Variants in KMT2C observed in about 807,000 individuals in gnomAD.
The protein encoded by KMT2C is lysine methyltransferase 2C, also known as histone-lysine N-methyltransferase 2C.
KMT2C carries 88 observed loss-of-function variants against 507.9 expected under a neutral mutation model. That is an observed-to-expected ratio of 0.17 (90% CI 0.15 to 0.21). The LOEUF is 0.21. KMT2C is among the 10% of genes least tolerant of loss of function. The pLI is 1.00. For synonymous variants in KMT2C, 2,049 were observed against 2,080.8 expected (o/e 0.98, Z 0.42); for missense variants, 4,954 against 5,957.8 (o/e 0.83, Z 5.55).
At chr7:152,227,343 C>T (rs2094963449) in intron 18 of KMT2C, among the ~76,000 whole-genome samples, 1 of 152,156 alleles carries the variant, frequency 6.6e-6, no homozygotes, top group Non-Finnish European at 1.5e-5. Context: ...GGATTCCATC[C>T]ATGGTACCAT....
intron 1 of KMT2C, among the ~76,000 whole-genome samples, chr7:152,422,865 T>TA (rs772134659): frequency 5.2e-4 from 78 of 150,416 alleles, no homozygotes; most frequent in Middle Eastern, 7.0e-3. Flanking sequence ...CTAATAAAAA[T>TA]ACAAAAAATT....
rs2091857113 is a variant in KMT2C, at chr7:152,153,993, G to A, written c.12276+17C>T. ...GGGACATACTGTTTAACATTAAGAA[G>A]TCATTTAATCTTTTACCTCAGCAGC... On this transcript the variant is annotated intron_variant, in intron 48 of 58. Transcript: ENST00000262189. 6.2e-7 allele frequency: 1 copy of A among 1,611,486 alleles called. No individual in the cohort carries two copies. The highest frequency in any genetic ancestry group is 8.5e-7 in the Non-Finnish European group (1 of 1,178,762).
At position 152,220,719 on chromosome 7, in the gene KMT2C, A is replaced by G. The variant is rs745535223; in HGVS notation, c.3516T>C (p.Tyr1172=). Residue 1172 remains tyrosine (Y), a synonymous_variant, in exon 23 of 59, where the codon TAT becomes TAC. Coordinates refer to ENST00000262189, the MANE Select transcript of KMT2C (RefSeq NM_170606.3). ...CAGTCAAACACACACCATCCTGGGT[A>G]TAAGTCTTGGGTGGGTCTAAAATTA... ...KVKELDPPKT[Y]TQDGVCLTES... is the part of the protein sequence containing the mutation. The G allele has an allele frequency of 7.5e-6, 12 of 1,608,618 alleles. No individual in the cohort carries two copies. In the East Asian group the frequency reaches 1.6e-4, roughly 21 times the overall value.
Position 152,226,219 on chromosome 7 carries a change from C to CTTTTTTTTTTTTTTTTTTTTT in KMT2C, c.2977-1624_2977-1604dup, listed in dbSNP as rs869076803. ...AAGAGTTGGTTGTTCATTACAAGGC[C>CTTTTTTTTTTTTTTTTTTTTT]TTTTTTTTTTTTTTTTTTTTTTTTT... On this transcript the variant is annotated intron_variant, in intron 18 of 58. Transcript: ENST00000262189. Among the ~76,000 whole-genome samples, 10 of 94,948 alleles carry CTTTTTTTTTTTTTTTTTTTTT rather than the reference C, an allele frequency of 1.1e-4. 1 individual carries two copies. The East Asian group carries it at 1.1e-3, about 11-fold the overall frequency. 62.3% of individuals were successfully genotyped at this position (94,948 alleles called of 152,430 possible). A position where few individuals can be genotyped will look rare whatever the true frequency, so the allele number is the denominator to read the frequency against.
chr7:152,152,829 C>T lies in KMT2C; in HGVS notation c.12402G>A (p.Pro4134=), dbSNP rs766473977. 3 of 1,614,154 alleles carry T rather than the reference C, an allele frequency of 1.9e-6. No homozygotes were observed. The highest frequency in any genetic ancestry group is 2.2e-5 in the East Asian group (1 of 44,868). ...MGLVSSHRIN[P]GLEYRQHLLL... Reference sequence around the variant, plus strand: ...GTAAATGCTGTCGATACTCCAAACCCGGGTTGATTCTGTGGCTACTGACCA... The same window carrying T: ...GTAAATGCTGTCGATACTCCAAACCTGGGTTGATTCTGTGGCTACTGACCA... The change falls in exon 49 of 59, where the codon CCG becomes CCA. Residue 4134 remains proline, a synonymous_variant. Coordinates refer to ENST00000262189, the MANE Select transcript of KMT2C (RefSeq NM_170606.3).
chr7:152,384,562 ACC>A (rs2097404408), intron 1 of KMT2C, among the ~76,000 whole-genome samples: 1 of 145,524 alleles, frequency 6.9e-6, no homozygotes, highest in African/African-American at 2.5e-5. Flanking sequence ...CACCACCACC[ACC>A]ACCACCACCA....
chr7:152,362,655 T>C (rs2097206248), intron 1 of KMT2C, among the ~76,000 whole-genome samples: 1 of 152,180 alleles, frequency 6.6e-6, no homozygotes. Flanking sequence ...CTCAGACCCA[T>C]GTTTTGCTCT....
rs1458742717 is a variant in KMT2C at position 152,335,646 on chromosome 7, T to A, written c.251-4907A>T. Among the ~76,000 whole-genome samples, 3 of 152,224 alleles carry A rather than the reference T, an allele frequency of 2.0e-5. No homozygotes were observed. The East Asian group carries it at 5.8e-4, about 29-fold the overall frequency. ...AATTTCCTTCTCCTAGCGAAGTATA[T>A]AACAGTTTCAGCTTTTTCCTTATTT... On this transcript the variant is annotated intron_variant, in intron 2 of 58. Coordinates refer to ENST00000262189, the MANE Select transcript of KMT2C (RefSeq NM_170606.3).
intron 4 of KMT2C, chr7:152,312,435 TAC>T (rs2096680531): frequency 6.6e-6 from 1 of 152,368 alleles, no homozygotes; most frequent in Non-Finnish European, 1.5e-5. Context: ...GAAAACCCAC[TAC>T]AGAGTGTGAA....
At chr7:152,413,905 CAA>C (rs2097707104) in intron 1 of KMT2C, among the ~76,000 whole-genome samples, 2 of 103,512 alleles carry the variant, frequency 1.9e-5, no homozygotes, top group Admixed American at 1.8e-4. Context: ...AAAAAATTTA[CAA>C]AAGTCATTTA....
Position 152,152,839 on chromosome 7 carries a change from C to G in KMT2C, c.12392G>C (p.Arg4131Thr), listed in dbSNP as rs753019893. 4 of 1,614,200 alleles carry G rather than the reference C, an allele frequency of 2.5e-6. No homozygotes were observed. Among genetic ancestry groups the G allele is most frequent in the Non-Finnish European group, 3.4e-6 (4 of 1,180,032 alleles). ...VPSMGLVSSH[R>T]INPGLEYRQH... is the part of the protein sequence containing the mutation. ...TCGATACTCCAAACCCGGGTTGATT[C>G]TGTGGCTACTGACCAAACCCATGGA... Residue 4131 changes from arginine (R) to threonine (T), a missense_variant, in exon 49 of 59, where the codon AGA (arginine) becomes ACA (threonine). Physicochemically the swap from Arg to Thr is moderately conservative, Grantham distance 71. Around this residue, in one of 29 missense-constraint regions of KMT2C, gnomAD observed 417 missense variants for 461.1 expected, o/e 0.90. Transcript: ENST00000262189.
At chr7:152,210,664 T>C (rs1174516566) in intron 23 of KMT2C, among the ~76,000 whole-genome samples, 1 of 151,514 alleles carries the variant, frequency 6.6e-6, no homozygotes, top group African/African-American at 2.4e-5. Flanking sequence ...ATCTGTAACA[T>C]GAAAGACAGA....
Position 152,180,079 on chromosome 7 carries a change from C to G in KMT2C, c.7197G>C (p.Lys2399Asn), listed in dbSNP as rs2093380037. Residue 2399 changes from lysine (K) to asparagine (N), a missense_variant, in exon 37 of 59, where the codon AAG becomes AAC. Coordinates refer to ENST00000262189, the MANE Select transcript of KMT2C (RefSeq NM_170606.3). ...EIILQQQQQK[K>N]IAGRQEKGSQ... ...ACCCCTTCTCCTGTCGACCTGCAATCTTCTTCTGCTGTTGCTGCTGGAGAA... is the reference window on the plus strand; with the variant it reads ...ACCCCTTCTCCTGTCGACCTGCAATGTTCTTCTGCTGTTGCTGCTGGAGAA... 2 of 1,614,074 alleles carry G rather than the reference C, an allele frequency of 1.2e-6. No homozygotes were observed. Among genetic ancestry groups the G allele is most frequent in the African/African-American group, 2.7e-5 (2 of 74,924 alleles).
chr7:152,303,136 T>A lies in KMT2C; in HGVS notation c.849+6830A>T, dbSNP rs923761382. Among the ~76,000 whole-genome samples the A allele has an allele frequency of 2.1e-3, 322 of 152,276 alleles. 6 individuals carry two copies. The highest frequency in any genetic ancestry group is 5.3e-4 in the Non-Finnish European group (36 of 68,034). ...AGATTCACTGTTTGCCATGTTCTTTTCTCTAGTAAAAAATGAATAAAGTTT... is the reference window on the plus strand; with the variant it reads ...AGATTCACTGTTTGCCATGTTCTTTACTCTAGTAAAAAATGAATAAAGTTT... On this transcript the variant is annotated intron_variant, in intron 6 of 58. Coordinates refer to ENST00000262189, the MANE Select transcript of KMT2C (RefSeq NM_170606.3).
At chr7:152,271,159 A>G (rs370888408) in intron 7 of KMT2C, among the ~76,000 whole-genome samples, 6 of 152,202 alleles carry the variant, frequency 3.9e-5, no homozygotes, top group African/African-American at 1.4e-4. Context: ...CCTCATAATA[A>G]CACTATGATT....
intron 2 of KMT2C, among the ~76,000 whole-genome samples, chr7:152,352,193 AAGTCCC>A (rs1208311816): frequency 6.6e-6 from 1 of 152,178 alleles, no homozygotes; most frequent in Non-Finnish European, 1.5e-5. Context: ...GGGATGAAAT[AAGTCCC>A]AGTCTCCCGT....
At chr7:152,361,547 G>A (rs888414950) in intron 1 of KMT2C, among the ~76,000 whole-genome samples, 1 of 151,932 alleles carries the variant, frequency 6.6e-6, no homozygotes, top group Non-Finnish European at 1.5e-5. Flanking sequence ...TGGGCAACAA[G>A]AGAGAAACTC....
intron 15 of KMT2C, 128 bp from the exon 16 acceptor site, chr7:152,236,061 A>C (rs2095266363): frequency 7.1e-6 from 4 of 565,930 alleles, no homozygotes; most frequent in Admixed American, 3.5e-5. Context: ...GTATTAAGAG[A>C]CCTGGCTTAT....
intron 1 of KMT2C, among the ~76,000 whole-genome samples, chr7:152,423,108 A>C (rs1352462620): frequency 6.6e-6 from 1 of 152,180 alleles, no homozygotes. Flanking sequence ...TGGGAGGCCA[A>C]AGCAGGTGGA....
Sources: gnomAD v4.1 joint callset for allele counts (sites outside exome capture counted in the v4.1 genomes callset) on GRCh38, gnomAD v4.1.1 for gene constraint, gnomAD v4.1.1 regional missense constraint, MANE v1.5 for transcripts, NCBI Gene and HGNC (gene_info 2026-07-23, HGNC 2026-07-21) for gene names.